The following ZNF722 variants were observed in gnomAD, a reference collection of about 807,000 sequenced individuals.
The protein encoded by ZNF722 is zinc finger protein 479 pseudogene.
chr7:63,999,054 G>A, the ZNF722 span: 1 of 1,549,642 alleles, frequency 6.5e-7, no homozygotes, highest in Non-Finnish European at 8.9e-7. Context: ...GGAACCGGCT[G>A]AAAGTGGCTT....
chr7:64,005,493 A>T, the ZNF722 span: 2 of 600,072 alleles, frequency 3.3e-6, no homozygotes, highest in South Asian at 4.7e-5. Flanking sequence ...CAGTCTTATA[A>T]GTGAGAACCA....
the ZNF722 span, chr7:64,015,159 G>A: frequency 6.4e-5 from 90 of 1,398,392 alleles, no homozygotes; most frequent in East Asian, 2.0e-3. Context: ...CTGTAAAAGT[G>A]TGGGTGAGTG....
chr7:64,005,913 T>C, the ZNF722 span, among the ~76,000 whole-genome samples: 2 of 152,214 alleles, frequency 1.3e-5, no homozygotes, highest in Non-Finnish European at 2.9e-5. Context: ...GACCTGAACT[T>C]TTCCCTTTCC....
the ZNF722 span, among the ~76,000 whole-genome samples, chr7:64,000,119 C>CT: frequency 0.013 from 1,800 of 142,786 alleles, 40 homozygotes; most frequent in African/African-American, 0.042. Context: ...TTTTCCCTTA[C>CT]TTTTTTTTTT....
chr7:64,015,854 G>A, the ZNF722 span: 1 of 1,594,672 alleles, frequency 6.3e-7, no homozygotes, highest in African/African-American at 1.3e-5. Flanking sequence ...AAGCTTTTAA[G>A]AGGCATTCAA....
the ZNF722 span, chr7:64,015,465 A>C: frequency 6.2e-7 from 1 of 1,611,506 alleles, no homozygotes; most frequent in Non-Finnish European, 8.5e-7. Flanking sequence ...ACATAAAAGA[A>C]TTCATACTGG....
the ZNF722 span, among the ~76,000 whole-genome samples, chr7:64,017,419 G>A: frequency 6.6e-6 from 1 of 151,990 alleles, no homozygotes. Flanking sequence ...TGTGATTACT[G>A]TAAAAACACC....
chr7:63,999,003 G>T, the ZNF722 span: 1 of 1,576,670 alleles, frequency 6.3e-7, no homozygotes, highest in African/African-American at 1.3e-5. Context: ...GAGAAATGGT[G>T]AGTGCTGGGT....
At chr7:64,006,515 T>A in the ZNF722 span, among the ~76,000 whole-genome samples, 1 of 152,328 alleles carries the variant, frequency 6.6e-6, no homozygotes, top group East Asian at 1.9e-4. Context: ...AGGATTCTAC[T>A]TCCACTTCAA....
At chr7:64,003,363 C>T in the ZNF722 span, among the ~76,000 whole-genome samples, 2 of 152,048 alleles carry the variant, frequency 1.3e-5, no homozygotes, top group African/African-American at 4.8e-5. Context: ...GGTCTTTCTG[C>T]CGTGGGTGTG....
the ZNF722 span, among the ~76,000 whole-genome samples, chr7:64,012,041 C>T: frequency 6.6e-6 from 1 of 151,950 alleles, no homozygotes; most frequent in Non-Finnish European, 1.5e-5. Context: ...TCACTGATAC[C>T]CTTTCTTTCA....
the ZNF722 span, chr7:64,015,685 G>A: frequency 6.2e-7 from 1 of 1,613,180 alleles, no homozygotes; most frequent in Non-Finnish European, 8.5e-7. Context: ...AAAGCCTTTA[G>A]CGTATCCTCA....
At chr7:64,006,322 A>G in the ZNF722 span, 1 of 1,299,236 alleles carries the variant, frequency 7.7e-7, no homozygotes, top group Non-Finnish European at 1.1e-6. Flanking sequence ...ACACCCAGGT[A>G]GGTGAGAGCG....
At chr7:64,008,379 C>T in the ZNF722 span, among the ~76,000 whole-genome samples, 1 of 152,130 alleles carries the variant, frequency 6.6e-6, no homozygotes, top group Admixed American at 6.6e-5. Context: ...GGTTTTAGAT[C>T]TAACATTTGA....
At chr7:64,006,621 A>G in the ZNF722 span, among the ~76,000 whole-genome samples, 2 of 152,182 alleles carry the variant, frequency 1.3e-5, no homozygotes, top group Non-Finnish European at 2.9e-5. Flanking sequence ...TTTTGGGGAC[A>G]CACTAATATT....
At chr7:64,017,397 A>C in the ZNF722 span, among the ~76,000 whole-genome samples, 3 of 152,206 alleles carry the variant, frequency 2.0e-5, no homozygotes. Context: ...AAAACAAAAA[A>C]GGCATTATAA....
At chr7:64,002,497 ATGTAAT>A in the ZNF722 span, among the ~76,000 whole-genome samples, 1 of 152,168 alleles carries the variant, frequency 6.6e-6, no homozygotes, top group African/African-American at 2.4e-5. Context: ...TTCAATTTTT[ATGTAAT>A]TGTATCATTT....
At chr7:64,009,408 A>T in the ZNF722 span, among the ~76,000 whole-genome samples, 1 of 152,170 alleles carries the variant, frequency 6.6e-6, no homozygotes, top group African/African-American at 2.4e-5. Context: ...TTATTTTGAG[A>T]TACATTCTGT....
the ZNF722 span, among the ~76,000 whole-genome samples, chr7:64,003,461 T>C: frequency 6.6e-6 from 1 of 152,058 alleles, no homozygotes; most frequent in Non-Finnish European, 1.5e-5. Flanking sequence ...TATCTGAAAA[T>C]ACATTTCAGA....
Sources: allele counts gnomAD v4.1 joint callset (sites outside exome capture counted in the v4.1 genomes callset), GRCh38; gene constraint gnomAD v4.1.1; transcripts MANE v1.5; gene names NCBI Gene and HGNC (gene_info 2026-07-23, HGNC 2026-07-21).